The following TAF2 variants were observed in gnomAD, a reference collection of about 807,000 sequenced individuals.
TAF2 encodes the protein TATA-box binding protein associated factor 2, also known as transcription initiation factor TFIID subunit 2.
TAF2 carries 61 observed loss-of-function variants against 138.5 expected under a neutral mutation model. The observed-to-expected ratio is 0.44, with a 90% CI of 0.36 to 0.54. The LOEUF (loss-of-function observed/expected upper bound fraction) is 0.54, where lower values mean the gene tolerates loss of function less well. Ranked by LOEUF, TAF2 falls within the 20% of genes least tolerant of loss-of-function variation. The pLI is 0.00. For synonymous variants in TAF2, 475 were observed against 469.9 expected (o/e 1.01, Z -0.14); for missense variants, 1,090 against 1,427.9 (o/e 0.76, Z 3.81).
chr8:119,754,680 CAA>C (rs74482890), intron 22 of TAF2, among the ~76,000 whole-genome samples: 8 of 121,376 alleles, frequency 6.6e-5, no homozygotes, highest in Non-Finnish European at 8.8e-5. Flanking sequence ...AAGACTGTCT[CAA>C]AAAAAAAAAA....
chr8:119,756,984 G>C (rs1340728134), intron 21 of TAF2, among the ~76,000 whole-genome samples: 1 of 152,168 alleles, frequency 6.6e-6, no homozygotes, highest in South Asian at 2.1e-4. Context: ...TATAAGTGAG[G>C]AAGAAAGAAA....
chr8:119,795,440 G>C (rs1823755331), intron 9 of TAF2, 92 bp downstream of exon 9: 1 of 1,113,480 alleles, frequency 9.0e-7, no homozygotes, highest in Non-Finnish European at 1.4e-6. Context: ...AAAAATTAGG[G>C]ATTTTCAAGC....
chr8:119,783,340 A>T (rs1171808728), intron 16 of TAF2, 41 bp downstream of exon 16: 3 of 1,593,288 alleles, frequency 1.9e-6, no homozygotes, highest in Non-Finnish European at 2.6e-6. Context: ...TACAAAAAAT[A>T]TATACAATAG....
At chr8:119,792,810 C>T (rs1383350450) in intron 10 of TAF2, among the ~76,000 whole-genome samples, 1 of 152,126 alleles carries the variant, frequency 6.6e-6, no homozygotes, top group African/African-American at 2.4e-5. Flanking sequence ...TTCTTTCCCG[C>T]TGGAGGATGC....
At chr8:119,761,339 G>C (rs1220383283) in intron 19 of TAF2, among the ~76,000 whole-genome samples, 1 of 152,084 alleles carries the variant, frequency 6.6e-6, no homozygotes, top group Admixed American at 6.5e-5. Flanking sequence ...TATACAGCAG[G>C]CTACACCATC....
chr8:119,775,140 G>A (rs1007283492), intron 18 of TAF2, among the ~76,000 whole-genome samples: 12 of 151,684 alleles, frequency 7.9e-5, no homozygotes. Context: ...AATTAGCCAG[G>A]TGTGGCAGCT....
intron 3 of TAF2, among the ~76,000 whole-genome samples, chr8:119,816,046 C>G (rs1217378259): frequency 6.8e-6 from 1 of 146,702 alleles, no homozygotes; most frequent in Non-Finnish European, 1.5e-5. Context: ...TAAGCACACT[C>G]TTTCTTTTTT....
At chr8:119,796,551 T>C (rs561389715) in intron 8 of TAF2, among the ~76,000 whole-genome samples, 9 of 152,204 alleles carry the variant, frequency 5.9e-5, no homozygotes, top group African/African-American at 2.2e-4. Flanking sequence ...TTGAGTTATT[T>C]CCAATTGCTT....
intron 18 of TAF2, among the ~76,000 whole-genome samples, chr8:119,774,372 T>G (rs944577241): frequency 1.3e-5 from 2 of 152,182 alleles, no homozygotes; most frequent in African/African-American, 4.8e-5. Context: ...CTATGACATA[T>G]AGGCTATTTA....
At chr8:119,785,825 T>C (rs1301437913) in intron 14 of TAF2, among the ~76,000 whole-genome samples, 1 of 152,212 alleles carries the variant, frequency 6.6e-6, no homozygotes, top group African/African-American at 2.4e-5. Context: ...GAGAAAACTT[T>C]TCCTGTGTTC....
chr8:119,826,221 T>C (rs1306353291), intron 2 of TAF2, among the ~76,000 whole-genome samples: 1 of 151,036 alleles, frequency 6.6e-6, no homozygotes, highest in Middle Eastern at 3.2e-3. Flanking sequence ...GTAACAAAAC[T>C]GCACGTTCTG....
Position 119,783,468 on chromosome 8 carries a change from T to A in TAF2, c.2025A>T (p.Pro675=). The change falls in exon 16 of 26, where the codon CCA becomes CCT. Residue 675 remains proline (P), a synonymous_variant. Transcript: ENST00000378164. ...TATCAGTGAGTGCAAGCCGAGATGC[T>A]GGAGTAGGGAATTTTTCCAAAGCCA... ...SILALEKFPT[P]ASRLALTDIL... 6.2e-7 allele frequency: 1 copy of A among 1,614,160 alleles called. No individual in the cohort carries two copies. Among genetic ancestry groups the A allele is most frequent in the Non-Finnish European group, 8.5e-7 (1 of 1,180,018 alleles).
At chr8:119,830,824 A>T (rs1480950368) in intron 2 of TAF2, among the ~76,000 whole-genome samples, 1 of 152,136 alleles carries the variant, frequency 6.6e-6, no homozygotes, top group Non-Finnish European at 1.5e-5. Flanking sequence ...TTGAGTTTTC[A>T]GCCAGGTGCA....
rs796092425 is a variant in TAF2 at position 119,730,834 on chromosome 8, C to A, written c.*1090G>T. On this transcript the variant is annotated 3_prime_UTR_variant, in exon 26 of 26. Coordinates refer to ENST00000378164, the MANE Select transcript of TAF2 (RefSeq NM_003184.4). ...ACAACTAAAAGTATATTTAGAGGTC[C>A]AAGATTCAAGTATTTTTGTCAAACT... 42 of 152,042 alleles carry A rather than the reference C, an allele frequency of 2.8e-4. No individual in the cohort carries two copies. Among genetic ancestry groups the A allele is most frequent in the African/African-American group, 9.6e-4 (40 of 41,476 alleles). The allele number at this position is 152,042 out of a possible 1,614,324, so 9.4% of individuals were successfully genotyped here.
At chr8:119,815,129 A>G (rs915734175) in intron 3 of TAF2, among the ~76,000 whole-genome samples, 1 of 148,824 alleles carries the variant, frequency 6.7e-6, no homozygotes, top group African/African-American at 2.5e-5. Flanking sequence ...TAAAAATACA[A>G]AAATTAGCCA....
chr8:119,775,012 G>A (rs868784239), intron 18 of TAF2, among the ~76,000 whole-genome samples: 1 of 151,912 alleles, frequency 6.6e-6, no homozygotes, highest in South Asian at 2.1e-4. Context: ...CAGGCGTGGT[G>A]GCTCACACCT....
At chr8:119,788,588 C>T in intron 13 of TAF2, 141 bp from the exon 14 acceptor site, 4 of 577,336 alleles carry the variant, frequency 6.9e-6, no homozygotes, top group Non-Finnish European at 1.2e-5. Context: ...GCAATTGGTG[C>T]CAAAGAGGGC....
intron 6 of TAF2, among the ~76,000 whole-genome samples, chr8:119,799,620 A>G (rs941072799): frequency 2.0e-5 from 3 of 152,208 alleles, no homozygotes; most frequent in Non-Finnish European, 4.4e-5. Flanking sequence ...ACACATGTGC[A>G]TCTGTCTTTA....
intron 15 of TAF2, among the ~76,000 whole-genome samples, chr8:119,784,224 C>T (rs1822865157): frequency 6.6e-6 from 1 of 152,156 alleles, no homozygotes; most frequent in Non-Finnish European, 1.5e-5. Flanking sequence ...TGTGTACTTA[C>T]TACAGGCAGG....
Sources: gnomAD v4.1 joint callset for allele counts (sites outside exome capture counted in the v4.1 genomes callset) on GRCh38, gnomAD v4.1.1 for gene constraint, MANE v1.5 for transcripts, NCBI Gene and HGNC (gene_info 2026-07-23, HGNC 2026-07-21) for gene names.